The following HGD variants were observed in gnomAD, a reference collection of about 807,000 sequenced individuals.
HGD encodes homogentisate 1,2-dioxygenase.
HGD carries 61 observed loss-of-function variants against 60.8 expected under a neutral mutation model. The ratio of observed to expected loss-of-function variants is 1.00; its 90% CI spans 0.82 to 1.24. The LOEUF (loss-of-function observed/expected upper bound fraction) is 1.24. Ranked by LOEUF, HGD falls within the 50% of genes most tolerant of loss-of-function variation. The pLI, the probability that HGD is intolerant of heterozygous loss-of-function variation, is 0.00. For missense variants in HGD, 542 were observed against 547.1 expected, an observed-to-expected ratio of 0.99 and a Z score of 0.09; for synonymous variants, 212 against 187.7, an observed-to-expected ratio of 1.13 and a Z score of -1.06.
At chr3:120,646,030 C>T (rs1293962326) in intron 9 of HGD, among the ~76,000 whole-genome samples, 2 of 152,042 alleles carry the variant, frequency 1.3e-5, no homozygotes, top group Admixed American at 6.6e-5. Context: ...TATTACATGC[C>T]GTCTTTATCT....
intron 13 of HGD, among the ~76,000 whole-genome samples, chr3:120,630,825 T>TATATATATATATATATATACAC (rs1491569082): frequency 2.9e-5 from 3 of 104,116 alleles, no homozygotes; most frequent in African/African-American, 9.3e-5. Context: ...TATATATATA[T>TATATATATATATATATATACAC]ACACATACAC....
intron 4 of HGD, 110 bp from the exon 5 acceptor site, chr3:120,652,761 T>A: frequency 1.4e-6 from 1 of 731,842 alleles, no homozygotes. Context: ...ACCCCCTCTG[T>A]GAGGCTCTAC....
At chr3:120,647,313 A>G (rs1417900658) in intron 7 of HGD, among the ~76,000 whole-genome samples, 1 of 152,194 alleles carries the variant, frequency 6.6e-6, no homozygotes, top group African/African-American at 2.4e-5. Flanking sequence ...CATGGTCAAA[A>G]AGGGGTAGCA....
Position 120,666,293 on chromosome 3 carries a change from G to C in HGD, c.282+4134C>G, listed in dbSNP as rs148573000. 4.6e-3 allele frequency among the ~76,000 whole-genome samples: 698 copies of C among 152,242 alleles called. 5 individuals carry two copies. The highest frequency in any genetic ancestry group is 0.016 in the African/African-American group (658 of 41,550). Reference sequence around the variant, plus strand: ...AAGATATTGGAGAAGAAATTCATTTGGTGGCTACCATATAGAAAGTGTTCA... The same window carrying C: ...AAGATATTGGAGAAGAAATTCATTTCGTGGCTACCATATAGAAAGTGTTCA... On this transcript the variant is annotated intron_variant, in intron 4 of 13. Transcript: ENST00000283871.
intron 10 of HGD, among the ~76,000 whole-genome samples, chr3:120,642,418 T>G (rs1265229914): frequency 6.6e-6 from 1 of 152,184 alleles, no homozygotes; most frequent in Non-Finnish European, 1.5e-5. Context: ...CCTGGGCATG[T>G]GGAATGAGGA....
rs1370923534 is a variant in HGD at position 120,674,944 on chromosome 3, A to G, written c.133T>C (p.Ser45Pro). Residue 45 changes from serine (S) to proline (P), a missense_variant, in exon 3 of 14, where the codon TCA (serine) becomes CCA (proline). By Grantham distance (74) the Ser-to-Pro change is moderately conservative. Transcript: ENST00000283871. ...CPYNLYAEQL[S>P]GSAFTCPRST... ...CGTGGACAAGTGAAAGCCGATCCTG[A>G]GAGCTGCTCAGCATAGAGATTGTAG... 5.0e-6 allele frequency: 8 copies of G among 1,611,974 alleles called. No homozygotes were observed. The African/African-American group carries it at 5.3e-5, about 11-fold the overall frequency.
At chr3:120,646,106 A>G (rs1219708630) in intron 9 of HGD, among the ~76,000 whole-genome samples, 161 bp downstream of exon 9, 1 of 152,198 alleles carries the variant, frequency 6.6e-6, no homozygotes, top group African/African-American at 2.4e-5. Flanking sequence ...TCTGTTTTGC[A>G]TATATTTTCT....
rs570523939 is a variant in HGD, at chr3:120,676,391, A to T, written c.16-528T>A. ...CACGCCAGCCCAGCATCTTTTCACAATGACACAATGGAACCTACTCTGATT... is the reference window on the plus strand; with the variant it reads ...CACGCCAGCCCAGCATCTTTTCACATTGACACAATGGAACCTACTCTGATT... On this transcript the variant is annotated intron_variant, in intron 1 of 13. Coordinates refer to ENST00000283871, the MANE Select transcript of HGD (RefSeq NM_000187.4). Among the ~76,000 whole-genome samples the T allele has an allele frequency of 2.6e-5, 4 of 152,310 alleles. No individual in the cohort carries two copies. In the East Asian group the frequency reaches 7.7e-4, roughly 29 times the overall value.
At chr3:120,644,507 TG>T in intron 9 of HGD, 64 bp from the exon 10 acceptor site, 1 of 1,611,230 alleles carries the variant, frequency 6.2e-7, no homozygotes, top group Non-Finnish European at 8.5e-7. Flanking sequence ...TGCCCATGGT[TG>T]CATGAAGAGA....
At chr3:120,658,052 G>C (rs1941553134) in intron 4 of HGD, among the ~76,000 whole-genome samples, 1 of 152,140 alleles carries the variant, frequency 6.6e-6, no homozygotes, top group Non-Finnish European at 1.5e-5. Flanking sequence ...AATTTGGGTA[G>C]GGACACAGAT....
intron 1 of HGD, among the ~76,000 whole-genome samples, chr3:120,677,549 C>A (rs1349799359): frequency 6.6e-6 from 1 of 152,140 alleles, no homozygotes; most frequent in Non-Finnish European, 1.5e-5. Flanking sequence ...TCCTAAAAAC[C>A]CTGTCTCCTG....
chr3:120,670,872 GA>G (rs2107549465), intron 3 of HGD, among the ~76,000 whole-genome samples: 1 of 152,316 alleles, frequency 6.6e-6, no homozygotes, highest in East Asian at 1.9e-4. Context: ...AAAATCCATA[GA>G]AAAACATTAG....
At chr3:120,636,071 G>A (rs961623687) in intron 12 of HGD, among the ~76,000 whole-genome samples, 1 of 143,636 alleles carries the variant, frequency 7.0e-6, no homozygotes, top group Non-Finnish European at 1.5e-5. Context: ...AGGAGTTCAA[G>A]ACCAGCCTGG....
chr3:120,654,021 A>T (rs1941419974), intron 4 of HGD, among the ~76,000 whole-genome samples: 1 of 152,176 alleles, frequency 6.6e-6, no homozygotes, highest in Non-Finnish European at 1.5e-5. Context: ...ACCTGGGAGG[A>T]TATTTCCCTA....
At position 120,638,545 on chromosome 3, in the gene HGD, C is replaced by T; in HGVS notation, c.916G>A (p.Val306Ile). 3.1e-6 allele frequency: 5 copies of T among 1,613,980 alleles called. No individual in the cohort carries two copies. The highest frequency in any genetic ancestry group is 4.2e-6 in the Non-Finnish European group (5 of 1,179,950). The part of the protein sequence containing the change: ...SIFTVLTAKS[V>I]RPGVAIADFV... ...TCAGCAATGGCCACTCCAGGGCGGA[C>T]AGACTTAGCAGTCAATACTGTGAAA... Residue 306 changes from valine to isoleucine, a missense_variant, in exon 12 of 14, where the codon GTC becomes ATC. Val to Ile is a conservative substitution (Grantham distance 29, BLOSUM62 3). This residue lies in a region of HGD where 537 missense variants were observed against 529.1 expected (regional missense o/e 1.01). Transcript: ENST00000283871.
chr3:120,681,094 G>C (rs1183892638), intron 1 of HGD, among the ~76,000 whole-genome samples: 4 of 152,192 alleles, frequency 2.6e-5, no homozygotes, highest in Non-Finnish European at 5.9e-5. Context: ...CTACCAATTA[G>C]GAAGGTGTTT....
chr3:120,671,218 T>C, intron 3 of HGD, among the ~76,000 whole-genome samples: 1 of 152,192 alleles, frequency 6.6e-6, no homozygotes, highest in East Asian at 1.9e-4. Flanking sequence ...ATTTTAACTC[T>C]TTATTATCAT....
chr3:120,652,357 G>T (rs1248677904), intron 5 of HGD, among the ~76,000 whole-genome samples: 2 of 152,166 alleles, frequency 1.3e-5, no homozygotes, highest in African/African-American at 4.8e-5. Context: ...ATGTTCAATT[G>T]TCATTGGCCT....
intron 3 of HGD, chr3:120,674,478 G>T: frequency 5.0e-6 from 1 of 198,326 alleles, no homozygotes. Context: ...ACATTTTCTT[G>T]CAAAGAACAT....
Sources: allele counts gnomAD v4.1 joint callset (sites outside exome capture counted in the v4.1 genomes callset), GRCh38; gene constraint gnomAD v4.1.1; regional missense constraint gnomAD v4.1.1; transcripts MANE v1.5; gene names NCBI Gene and HGNC (gene_info 2026-07-23, HGNC 2026-07-21).